LASP1: variants seen among roughly 807,000 people sequenced by gnomAD.
LASP1 encodes the protein LIM and SH3 domain protein 1.
LASP1 carries 10 observed loss-of-function variants against 38.6 expected under a neutral mutation model. The observed-to-expected ratio is 0.26, with a 90% CI of 0.16 to 0.44. The LOEUF is 0.44. Among genes scored for constraint, LASP1 ranks in the 20% least tolerant of loss-of-function variants. The pLI, the probability that LASP1 is intolerant of heterozygous loss-of-function variation, is 1.00. For missense variants in LASP1, 243 were observed against 375.7 expected (o/e 0.65, Z 2.92); for synonymous variants, 132 against 140.8 (o/e 0.94, Z 0.44).
At chr17:38,913,540 G>T (rs542312132) in intron 4 of LASP1, among the ~76,000 whole-genome samples, 2 of 152,254 alleles carry the variant, frequency 1.3e-5, no homozygotes, top group African/African-American at 4.8e-5. Context: ...CTGTTACATG[G>T]GGTCTGCAAT....
intron 1 of LASP1, among the ~76,000 whole-genome samples, chr17:38,877,827 C>G (rs556966140): frequency 1.8e-4 from 28 of 152,292 alleles, no homozygotes; most frequent in Non-Finnish European, 3.2e-4. Context: ...GCTCTTCCCC[C>G]CTGTCCTTCA....
rs756139368 is a variant in LASP1 at position 38,918,558 on chromosome 17, GGTGAGCCGGCATGCAGGGCCCTAGGC to G, written c.613-46_613-21del. The G allele has an allele frequency of 2.6e-6, 4 of 1,530,482 alleles. No individual in the cohort carries two copies. Among genetic ancestry groups the G allele is most frequent in the Non-Finnish European group, 3.5e-6 (4 of 1,134,000 alleles). The allele number at this position is 1,530,482 out of a possible 1,614,324, so 94.8% of individuals were successfully genotyped here. On this transcript the variant is annotated intron_variant, in intron 6 of 6. Coordinates refer to ENST00000318008, the MANE Select transcript of LASP1 (RefSeq NM_006148.4). This position sits in a 1 kb window ranked among gnomAD's most constrained non-coding sequence, Gnocchi z 4.4. The stretch of plus-strand genomic sequence containing the variant: ...AGTTAGAAAAAAATGCTCAGACCCA[GGTGAGCCGGCATGCAGGGCCCTAGGC>G]TGACCACACTTCCCCCACAGAAGCG...
chr17:38,885,948 C>CGT (rs1253177221), intron 2 of LASP1, among the ~76,000 whole-genome samples: 1 of 152,114 alleles, frequency 6.6e-6, no homozygotes, highest in Non-Finnish European at 1.5e-5. Flanking sequence ...GAAACAAACC[C>CGT]GTGACACTTG....
At chr17:38,901,792 G>A (rs910749531) in intron 4 of LASP1, among the ~76,000 whole-genome samples, 9 of 152,058 alleles carry the variant, frequency 5.9e-5, no homozygotes, top group Admixed American at 3.3e-4. Context: ...TTGAGACGGA[G>A]CCTTGGTTTA....
intron 2 of LASP1, among the ~76,000 whole-genome samples, chr17:38,886,080 A>C (rs1914119217): frequency 1.4e-5 from 2 of 146,350 alleles, no homozygotes; most frequent in African/African-American, 2.5e-5. Context: ...ACCCCCGTAG[A>C]CCTCTCTCTC....
chr17:38,884,186 GTTC>G (rs1275961176), intron 2 of LASP1, among the ~76,000 whole-genome samples: 1 of 151,992 alleles, frequency 6.6e-6, no homozygotes, highest in Non-Finnish European at 1.5e-5. Context: ...TCGCTATCCT[GTTC>G]TTCTGACCCT....
rs1915297493 is a variant in LASP1 at position 38,921,496 on chromosome 17, G to A, written c.*2718G>A. On this transcript the variant is annotated 3_prime_UTR_variant, in exon 7 of 7. Coordinates refer to ENST00000318008, the MANE Select transcript of LASP1 (RefSeq NM_006148.4). ...AAACAAAATACCACCCTACAAACCT[G>A]TATTTAAAAAGAAACAGAAATGACC... The A allele has an allele frequency of 4.3e-6, 1 of 232,180 alleles. No individual in the cohort carries two copies. Among genetic ancestry groups the A allele is most frequent in the Non-Finnish European group, 8.5e-6 (1 of 117,378 alleles). The allele number at this position is 232,180 out of a possible 1,614,324, so 14.4% of individuals were successfully genotyped here. A position where few individuals can be genotyped will look rare whatever the true frequency, so the allele number is the denominator to read the frequency against.
rs555480021 is a variant in LASP1 at position 38,892,588 on chromosome 17, A to ACACACACACACACC, written c.249+2087_249+2088insACACACACACCCAC. ...CACACACACACACACACACACACAC[A>ACACACACACACACC]CACCCTTCTCAGGGGAGAAATTCAA... On this transcript the variant is annotated intron_variant, in intron 3 of 6. Transcript: ENST00000318008. 5.1e-4 allele frequency among the ~76,000 whole-genome samples: 75 copies of ACACACACACACACC among 147,166 alleles called. 1 individual carries two copies. Among genetic ancestry groups the ACACACACACACACC allele is most frequent in the Non-Finnish European group, 1.4e-4 (9 of 65,984 alleles).
Position 38,918,472 on chromosome 17 carries a change from G to A in LASP1, c.613-133G>A. 1.2e-6 allele frequency: 1 copy of A among 862,342 alleles called. No homozygotes were observed. The highest frequency in any genetic ancestry group is 1.8e-6 in the Non-Finnish European group (1 of 552,606). 53.4% of individuals were successfully genotyped at this position (862,342 alleles called of 1,614,324 possible). On this transcript the variant is annotated intron_variant, in intron 6 of 6. Transcript: ENST00000318008. This position sits in a 1 kb window ranked among gnomAD's most constrained non-coding sequence, Gnocchi z 4.4. ...ACAGAGGTTAAGAATCTTTGCAGCA[G>A]AGCCTGGTGCTCCATTTCTGAGTTC...
intron 1 of LASP1, among the ~76,000 whole-genome samples, chr17:38,874,852 T>C (rs1913715299): frequency 6.6e-6 from 1 of 152,102 alleles, no homozygotes. Flanking sequence ...CGTGGCAGCC[T>C]GGAGGGGTCT....
chr17:38,883,639 C>G (rs536304060), intron 2 of LASP1, among the ~76,000 whole-genome samples: 1 of 152,214 alleles, frequency 6.6e-6, no homozygotes, highest in East Asian at 1.9e-4. Context: ...CACTTTGCTT[C>G]CTAACACCTA....
At chr17:38,886,081 C>CCT (rs148120574) in intron 2 of LASP1, among the ~76,000 whole-genome samples, 26 of 150,566 alleles carry the variant, frequency 1.7e-4, no homozygotes, top group East Asian at 9.8e-4. Context: ...CCCCCGTAGA[C>CCT]CTCTCTCTCT....
At chr17:38,886,685 GAC>G (rs955441301) in intron 2 of LASP1, among the ~76,000 whole-genome samples, 6 of 152,046 alleles carry the variant, frequency 3.9e-5, no homozygotes, top group African/African-American at 1.4e-4. Context: ...TGAGCAGAGG[GAC>G]ACAGTGTGGG....
At position 38,898,494 on chromosome 17, in the gene LASP1, A is replaced by G. The variant is rs1425393927; in HGVS notation, c.332A>G (p.Lys111Arg). Residue 111 changes from lysine (K) to arginine (R), a missense_variant, in exon 4 of 7, where the codon AAG becomes AGG. Lys to Arg is a conservative substitution (Grantham distance 26). Transcript: ENST00000318008. ...VADTPELQRI[K>R]KTQDQISNIK... is the part of the protein sequence containing the mutation. ...GACACGCCCGAGCTCCAGAGAATCAAGAAGACCCAGGACCAGATCAGTAAC... is the reference window on the plus strand; with the variant it reads ...GACACGCCCGAGCTCCAGAGAATCAGGAAGACCCAGGACCAGATCAGTAAC... The G allele has an allele frequency of 3.2e-6, 5 of 1,551,366 alleles. No individual in the cohort carries two copies. In the South Asian group the frequency reaches 3.6e-5, roughly 11 times the overall value.
intron 6 of LASP1, chr17:38,916,326 A>C: frequency 6.6e-6 from 1 of 152,266 alleles, no homozygotes; most frequent in South Asian, 2.1e-4. Flanking sequence ...TTGGGAGGCC[A>C]AGGCGGGCAG....
chr17:38,899,482 C>G (rs59311696), intron 4 of LASP1, among the ~76,000 whole-genome samples: 13 of 152,276 alleles, frequency 8.5e-5, no homozygotes, highest in African/African-American at 2.2e-4. Flanking sequence ...CTGGCCACCT[C>G]AGCAGGGCGC....
At chr17:38,892,257 G>GTC (rs375167353) in intron 3 of LASP1, among the ~76,000 whole-genome samples, 3 of 152,324 alleles carry the variant, frequency 2.0e-5, no homozygotes, top group African/African-American at 7.2e-5. Flanking sequence ...CCCTGGTCTT[G>GTC]TCACTCCCAA....
chr17:38,891,431 G>C (rs1210552795), intron 3 of LASP1, among the ~76,000 whole-genome samples: 2 of 152,134 alleles, frequency 1.3e-5, no homozygotes, highest in African/African-American at 4.8e-5. Flanking sequence ...CCTGCCTTTT[G>C]TCAGGCTTTC....
chr17:38,878,224 C>T (rs920514454), intron 2 of LASP1, 44 bp downstream of exon 2: 2 of 1,350,926 alleles, frequency 1.5e-6, no homozygotes, highest in Non-Finnish European at 1.1e-6. Flanking sequence ...CACCTTGGCT[C>T]CCTCCCCGAG....
Sources: allele counts gnomAD v4.1 joint callset (sites outside exome capture counted in the v4.1 genomes callset), GRCh38; gene constraint gnomAD v4.1.1; non-coding constraint Gnocchi (gnomAD v3.1); transcripts MANE v1.5; gene names NCBI Gene and HGNC (gene_info 2026-07-23, HGNC 2026-07-21).